ENTREP2: variants seen among roughly 807,000 people sequenced by gnomAD.
ENTREP2 encodes the protein endosomal transmembrane epsin interactor 2.
At chr15:29,647,401 A>G in the ENTREP2 span, among the ~76,000 whole-genome samples, 1 of 152,176 alleles carries the variant, frequency 6.6e-6, no homozygotes, top group African/African-American at 2.4e-5. Context: ...TGGGATGTTC[A>G]TTTGTTCAAG....
the ENTREP2 span, among the ~76,000 whole-genome samples, chr15:29,301,164 T>A: frequency 3.3e-5 from 5 of 152,310 alleles, no homozygotes; most frequent in South Asian, 2.1e-4. Context: ...GACAGTATGA[T>A]CATGGACTAT....
chr15:29,555,957 A>G, the ENTREP2 span, among the ~76,000 whole-genome samples: 1 of 152,152 alleles, frequency 6.6e-6, no homozygotes, highest in Non-Finnish European at 1.5e-5. Flanking sequence ...CTTCTTCCCG[A>G]AGAAGGGGAA....
chr15:29,509,972 C>T, the ENTREP2 span, among the ~76,000 whole-genome samples: 1 of 151,844 alleles, frequency 6.6e-6, no homozygotes, highest in Non-Finnish European at 1.5e-5. Context: ...AGGCAACCTA[C>T]AAAATGGAGG....
chr15:29,627,296 G>A, the ENTREP2 span, among the ~76,000 whole-genome samples: 1 of 152,078 alleles, frequency 6.6e-6, no homozygotes, highest in African/African-American at 2.4e-5. Context: ...TGTAATCCCA[G>A]CACTTTGGGA....
chr15:29,349,954 G>A, the ENTREP2 span, among the ~76,000 whole-genome samples: 2 of 152,032 alleles, frequency 1.3e-5, no homozygotes, highest in Non-Finnish European at 2.9e-5. Context: ...ATTAATTGGA[G>A]CTGTTTTCCC....
At chr15:29,626,983 C>CT in the ENTREP2 span, among the ~76,000 whole-genome samples, 7 of 152,062 alleles carry the variant, frequency 4.6e-5, no homozygotes, top group Non-Finnish European at 8.8e-5. Flanking sequence ...CCAGCTTTTT[C>CT]TTTGATTTCT....
At chr15:29,606,722 G>A in the ENTREP2 span, among the ~76,000 whole-genome samples, 1 of 151,172 alleles carries the variant, frequency 6.6e-6, no homozygotes, top group Non-Finnish European at 1.5e-5. Context: ...TTCTCTAGAG[G>A]TTCAAATGAT....
chr15:29,255,219 C>G, the ENTREP2 span, among the ~76,000 whole-genome samples: 16 of 152,174 alleles, frequency 1.1e-4, no homozygotes, highest in East Asian at 2.9e-3. Context: ...TTTTGTGCTA[C>G]AGGTGCTGTT....
the ENTREP2 span, among the ~76,000 whole-genome samples, chr15:29,481,268 C>T: frequency 2.0e-5 from 3 of 152,100 alleles, no homozygotes; most frequent in South Asian, 2.1e-4. Context: ...ATGGGAATGC[C>T]GTTAAAATGC....
At chr15:29,500,068 C>G in the ENTREP2 span, among the ~76,000 whole-genome samples, 1 of 151,816 alleles carries the variant, frequency 6.6e-6, no homozygotes, top group Non-Finnish European at 1.5e-5. Context: ...ATAAATATAC[C>G]ACACCTACCA....
chr15:29,401,491 T>A, the ENTREP2 span, among the ~76,000 whole-genome samples: 17 of 152,170 alleles, frequency 1.1e-4, no homozygotes, highest in Non-Finnish European at 2.2e-4. Flanking sequence ...TTTGGTGAAG[T>A]TTTGGTAAAA....
At chr15:29,270,041 C>G in the ENTREP2 span, among the ~76,000 whole-genome samples, 2 of 152,158 alleles carry the variant, frequency 1.3e-5, no homozygotes, top group Middle Eastern at 3.4e-3. Context: ...ACCACACAGG[C>G]TCAGGCAAGT....
chr15:29,415,060 T>C, the ENTREP2 span, among the ~76,000 whole-genome samples: 1 of 152,198 alleles, frequency 6.6e-6, no homozygotes, highest in Non-Finnish European at 1.5e-5. Context: ...CACAGCCGAA[T>C]TCTACCAGAG....
chr15:29,448,144 C>A, the ENTREP2 span, among the ~76,000 whole-genome samples: 1 of 152,086 alleles, frequency 6.6e-6, no homozygotes, highest in Admixed American at 6.5e-5. Context: ...CCAACAAGAT[C>A]TTTCTCCTTT....
the ENTREP2 span, among the ~76,000 whole-genome samples, chr15:29,513,136 T>C: frequency 6.6e-6 from 1 of 152,178 alleles, no homozygotes; most frequent in East Asian, 1.9e-4. Context: ...AAAGCTGTTT[T>C]CCACTCACTG....
the ENTREP2 span, chr15:29,128,639 T>C: frequency 2.8e-6 from 2 of 707,226 alleles, no homozygotes. Flanking sequence ...TGGGAAAGAC[T>C]GCTGCAAACT....
the ENTREP2 span, among the ~76,000 whole-genome samples, chr15:29,656,898 A>T: frequency 6.6e-6 from 1 of 152,200 alleles, no homozygotes; most frequent in Non-Finnish European, 1.5e-5. Flanking sequence ...CCTGTACACA[A>T]ACGTTTAAAG....
chr15:29,489,097 A>G, the ENTREP2 span, among the ~76,000 whole-genome samples: 8 of 152,262 alleles, frequency 5.3e-5, no homozygotes, highest in East Asian at 5.8e-4. Flanking sequence ...TATTCACACA[A>G]AAATTATTAC....
At chr15:29,231,504 A>G in the ENTREP2 span, among the ~76,000 whole-genome samples, 3 of 152,202 alleles carry the variant, frequency 2.0e-5, no homozygotes, top group African/African-American at 7.2e-5. Flanking sequence ...ATAATATTCA[A>G]TGTAATGCTA....
Sources: allele counts gnomAD v4.1 joint callset (sites outside exome capture counted in the v4.1 genomes callset), GRCh38; gene constraint gnomAD v4.1.1; transcripts MANE v1.5; gene names NCBI Gene and HGNC (gene_info 2026-07-23, HGNC 2026-07-21).